Variants in LRBA observed in about 807,000 individuals in gnomAD.
The protein encoded by LRBA is LPS responsive beige-like anchor protein.
Under a neutral mutation model 330.0 loss-of-function variants are expected in LRBA, and 176 were observed. The observed-to-expected ratio is 0.53, with a 90% CI of 0.47 to 0.60. LRBA has a LOEUF of 0.60. Ranked by LOEUF, LRBA falls within the 20% of genes least tolerant of loss-of-function variation. The pLI is 0.00. For missense variants in LRBA, 3,259 were observed against 3,444.8 expected, an observed-to-expected ratio of 0.95 and a Z score of 1.35; for synonymous variants, 1,230 against 1,193.0, an observed-to-expected ratio of 1.03 and a Z score of -0.64.
At chr4:150,423,978 A>C (rs1303362792) in intron 46 of LRBA, among the ~76,000 whole-genome samples, 4 of 152,214 alleles carry the variant, frequency 2.6e-5, no homozygotes, top group African/African-American at 9.7e-5. Context: ...GGCCAGAGAA[A>C]GCTTTAGGGA....
intron 36 of LRBA, among the ~76,000 whole-genome samples, chr4:150,688,081 C>T (rs528970753): frequency 2.0e-5 from 3 of 152,324 alleles, no homozygotes; most frequent in Admixed American, 6.5e-5. Context: ...ACCAAAACAG[C>T]ATGGTACTGG....
chr4:150,279,355 C>T (rs1747215604), intron 55 of LRBA, among the ~76,000 whole-genome samples: 1 of 152,174 alleles, frequency 6.6e-6, no homozygotes, highest in East Asian at 1.9e-4. Flanking sequence ...GCTTTCTTAG[C>T]TTATTAAGAT....
At position 150,370,868 on chromosome 4, in the gene LRBA, T is replaced by C. The variant is rs189155395; in HGVS notation, c.7195-20709A>G. On this transcript the variant is annotated intron_variant, in intron 47 of 56. Coordinates refer to ENST00000651943, the MANE Select transcript of LRBA (RefSeq NM_001364905.1). ...AAACTGATAATTTTTTAAAACATGA[T>C]GTTTATATTTTTCTCCTCTTCTTTG... 2.6e-5 allele frequency among the ~76,000 whole-genome samples: 4 copies of C among 152,290 alleles called. No individual in the cohort carries two copies. The East Asian group carries it at 7.7e-4, about 29-fold the overall frequency.
intron 47 of LRBA, among the ~76,000 whole-genome samples, chr4:150,354,732 T>A (rs1327101013): frequency 6.6e-6 from 1 of 152,066 alleles, no homozygotes; most frequent in African/African-American, 2.4e-5. Context: ...CTGTTTTTTT[T>A]AATGAGATCT....
chr4:150,512,114 T>G (rs72734494), intron 40 of LRBA, among the ~76,000 whole-genome samples: 2,372 of 152,322 alleles, frequency 0.016, 28 homozygotes, highest in Non-Finnish European at 0.024. Context: ...TGAAACAGAT[T>G]CCTCATCTTC....
At chr4:150,870,449 A>C (rs1753285593) in intron 20 of LRBA, 76 bp downstream of exon 20, 1 of 788,118 alleles carries the variant, frequency 1.3e-6, no homozygotes, top group Non-Finnish European at 2.3e-6. Context: ...CAACAACATC[A>C]ATTTTAGGTT....
intron 37 of LRBA, among the ~76,000 whole-genome samples, chr4:150,653,160 T>C (rs963074749): frequency 2.6e-4 from 40 of 152,096 alleles, no homozygotes; most frequent in Admixed American, 6.6e-4. Context: ...CTCGGCAACA[T>C]AGCGAGAACC....
intron 28 of LRBA, among the ~76,000 whole-genome samples, chr4:150,837,413 T>C (rs1176104375): frequency 2.6e-5 from 4 of 152,160 alleles, no homozygotes. Flanking sequence ...TCTCCCATTA[T>C]TATTGTGTGG....
intron 40 of LRBA, among the ~76,000 whole-genome samples, chr4:150,519,795 A>C (rs1762733886): frequency 6.6e-6 from 1 of 152,126 alleles, no homozygotes; most frequent in African/African-American, 2.4e-5. Flanking sequence ...AAACAGTTGC[A>C]CTATTTTACA....
intron 17 of LRBA, among the ~76,000 whole-genome samples, chr4:150,884,138 C>T (rs962517399): frequency 2.0e-5 from 3 of 152,124 alleles, no homozygotes; most frequent in Non-Finnish European, 4.4e-5. Flanking sequence ...TAAAAAGTAG[C>T]ACTGTTGCTT....
intron 36 of LRBA, 22 bp from the exon 37 acceptor site, chr4:150,683,739 T>C (rs751308252): frequency 3.3e-6 from 5 of 1,531,916 alleles, no homozygotes; most frequent in South Asian, 2.5e-5. Context: ...AAAAAAATAA[T>C]ACTATAAAAA....
chr4:150,839,750 G>A (rs1748764569), intron 28 of LRBA, among the ~76,000 whole-genome samples: 1 of 152,196 alleles, frequency 6.6e-6, no homozygotes, highest in African/African-American at 2.4e-5. Flanking sequence ...GGCGGGGTTA[G>A]GGGAGAGGGA....
chr4:150,856,979 T>C (rs905956968), intron 22 of LRBA, among the ~76,000 whole-genome samples: 11 of 152,172 alleles, frequency 7.2e-5, no homozygotes, highest in African/African-American at 2.7e-4. Flanking sequence ...ATCCAGATGT[T>C]AATATTATCT....
intron 2 of LRBA, among the ~76,000 whole-genome samples, chr4:150,958,436 C>A (rs1376734322): frequency 6.7e-6 from 1 of 149,026 alleles, no homozygotes; most frequent in Non-Finnish European, 1.5e-5. Flanking sequence ...GCCCACAAAA[C>A]CACTTTTTCC....
chr4:150,303,457 G>A (rs771693818), intron 52 of LRBA, among the ~76,000 whole-genome samples: 1 of 152,154 alleles, frequency 6.6e-6, no homozygotes, highest in South Asian at 2.1e-4. Flanking sequence ...AATGACTGGG[G>A]ACAAAGGAGA....
At chr4:150,960,621 C>A (rs909760154) in intron 2 of LRBA, among the ~76,000 whole-genome samples, 1 of 148,864 alleles carries the variant, frequency 6.7e-6, no homozygotes, top group Non-Finnish European at 1.5e-5. Context: ...GGGAGAGAGG[C>A]AGTTGTAATT....
At chr4:150,668,496 G>C (rs556741346) in intron 37 of LRBA, among the ~76,000 whole-genome samples, 2 of 152,180 alleles carry the variant, frequency 1.3e-5, no homozygotes, top group South Asian at 4.2e-4. Flanking sequence ...TATCCATGTG[G>C]CCTAAATCCC....
At chr4:150,679,814 C>T (rs1782892713) in intron 37 of LRBA, 1 of 152,294 alleles carries the variant, frequency 6.6e-6, no homozygotes, top group South Asian at 2.1e-4. Flanking sequence ...TAATTTATGT[C>T]TCTAGCTCTA....
At position 150,676,476 on chromosome 4, in the gene LRBA, C is replaced by T. The variant is rs563481389; in HGVS notation, c.5921+7075G>A. Among the ~76,000 whole-genome samples the T allele has an allele frequency of 2.1e-4, 32 of 152,132 alleles. 1 individual carries two copies. Among genetic ancestry groups the T allele is most frequent in the Middle Eastern group, 3.4e-3 (1 of 294 alleles). On this transcript the variant is annotated intron_variant, in intron 37 of 56. Transcript: ENST00000651943. ...GTATACAGCCAGTACTAAATAAATA[C>T]GAAAAGAAGAATTGTTCCAATAGGC...
Sources: allele counts gnomAD v4.1 joint callset (sites outside exome capture counted in the v4.1 genomes callset), GRCh38; gene constraint gnomAD v4.1.1; transcripts MANE v1.5; gene names NCBI Gene and HGNC (gene_info 2026-07-23, HGNC 2026-07-21).